CSE1L: variants seen among roughly 807,000 people sequenced by gnomAD.
CSE1L encodes exportin-2.
A neutral mutation model predicts 120.4 loss-of-function variants in CSE1L; 24 were observed. The observed-to-expected ratio is 0.20, with a 90% confidence interval of 0.14 to 0.28. The LOEUF is 0.28. Among genes scored for constraint, CSE1L ranks in the 10% least tolerant of loss-of-function variants. The pLI is 1.00. For synonymous variants in CSE1L, 402 were observed against 398.3 expected (o/e 1.01, Z -0.11); for missense variants, 830 against 1,145.2 (o/e 0.72, Z 3.97).
intron 1 of CSE1L, among the ~76,000 whole-genome samples, chr20:49,051,268 G>A (rs891026428): frequency 1.3e-5 from 2 of 152,220 alleles, no homozygotes; most frequent in East Asian, 1.9e-4. Flanking sequence ...CTTCCAGGCC[G>A]GGCACGGTGG....
At position 49,089,933 on chromosome 20, in the gene CSE1L, C is replaced by T. The variant is rs552861479; in HGVS notation, c.2181+187C>T. 3.9e-5 allele frequency among the ~76,000 whole-genome samples: 6 copies of T among 152,086 alleles called. No homozygotes were observed. In the East Asian group the frequency reaches 5.8e-4, roughly 15 times the overall value. On this transcript the variant is annotated intron_variant, in intron 19 of 24. Coordinates refer to ENST00000262982, the MANE Select transcript of CSE1L (RefSeq NM_001316.4). ...AGGAGTTTAAGACCAGCCTAGGCAA[C>T]GTGGTGAGATCTATCTCTACAAAGG...
intron 2 of CSE1L, among the ~76,000 whole-genome samples, chr20:49,060,693 T>C (rs1012206843): frequency 6.6e-6 from 1 of 151,500 alleles, no homozygotes; most frequent in Non-Finnish European, 1.5e-5. Context: ...CAAGAATCGC[T>C]TGAACCCAGG....
At chr20:49,047,306 G>A (rs2091721783) in intron 1 of CSE1L, among the ~76,000 whole-genome samples, 1 of 152,038 alleles carries the variant, frequency 6.6e-6, no homozygotes, top group Non-Finnish European at 1.5e-5. Context: ...TATTTACCGT[G>A]GTTTACAAAG....
chr20:49,062,262 G>A (rs2091858779), intron 2 of CSE1L, among the ~76,000 whole-genome samples: 1 of 152,188 alleles, frequency 6.6e-6, no homozygotes, highest in Non-Finnish European at 1.5e-5. Flanking sequence ...GACATGATAA[G>A]CACAAAGCAA....
chr20:49,063,180 T>A, intron 2 of CSE1L, 22 bp from the exon 3 acceptor site: 1 of 1,509,746 alleles, frequency 6.6e-7, no homozygotes, highest in South Asian at 1.3e-5. Flanking sequence ...CTTAGTCTTT[T>A]AACATGAAAA....
intron 16 of CSE1L, among the ~76,000 whole-genome samples, chr20:49,087,274 A>G (rs2092066718): frequency 6.7e-6 from 1 of 150,362 alleles, no homozygotes. Flanking sequence ...TTTTCTCTTC[A>G]GTTTCCTGTA....
chr20:49,061,051 A>C (rs1313806985), intron 2 of CSE1L, among the ~76,000 whole-genome samples: 1 of 152,198 alleles, frequency 6.6e-6, no homozygotes, highest in East Asian at 1.9e-4. Context: ...TTGAGAGGAA[A>C]AATTAGTTTA....
chr20:49,069,733 G>GC (rs2091918539), intron 7 of CSE1L, among the ~76,000 whole-genome samples: 1 of 152,168 alleles, frequency 6.6e-6, no homozygotes, highest in Admixed American at 6.5e-5. Context: ...AACTTGTCTG[G>GC]CAGGGAGACC....
chr20:49,092,853 T>A (rs1011231071), intron 22 of CSE1L, among the ~76,000 whole-genome samples: 16 of 152,072 alleles, frequency 1.1e-4, no homozygotes, highest in Admixed American at 5.2e-4. Flanking sequence ...CCCCCTTTTT[T>A]AAAAAATCGT....
At chr20:49,052,314 T>A (rs2091772894) in intron 1 of CSE1L, among the ~76,000 whole-genome samples, 4 of 152,232 alleles carry the variant, frequency 2.6e-5, no homozygotes, top group Admixed American at 2.6e-4. Context: ...TGCAGTCTAG[T>A]GTGTGTATGA....
At chr20:49,058,251 A>T (rs2091824722) in intron 1 of CSE1L, among the ~76,000 whole-genome samples, 2 of 151,986 alleles carry the variant, frequency 1.3e-5, no homozygotes, top group Admixed American at 1.3e-4. Flanking sequence ...CTTATCACAA[A>T]ATTGTCTCAC....
intron 1 of CSE1L, among the ~76,000 whole-genome samples, chr20:49,054,156 C>G (rs2091789291): frequency 6.6e-6 from 1 of 152,132 alleles, no homozygotes; most frequent in Admixed American, 6.6e-5. Flanking sequence ...GAGTGGAACA[C>G]CTGGATTAGA....
chr20:49,063,424 C>T, intron 3 of CSE1L, 80 bp downstream of exon 3: 1 of 972,326 alleles, frequency 1.0e-6, no homozygotes, highest in Non-Finnish European at 1.4e-6. Flanking sequence ...AAAGATAAGG[C>T]ACGTGCTTGT....
At chr20:49,065,770 G>A (rs1001126522) in intron 3 of CSE1L, among the ~76,000 whole-genome samples, 5 of 143,550 alleles carry the variant, frequency 3.5e-5, no homozygotes, top group African/African-American at 1.3e-4. Context: ...ATTTTTGTAT[G>A]TTTAGTAGAG....
At chr20:49,079,721 A>C (rs1027469532) in intron 14 of CSE1L, among the ~76,000 whole-genome samples, 1 of 152,078 alleles carries the variant, frequency 6.6e-6, no homozygotes, top group South Asian at 2.1e-4. Context: ...CATATATGAA[A>C]AGCCAGCCTT....
chr20:49,085,207 T>C (rs2092045740), intron 15 of CSE1L, 76 bp from the exon 16 acceptor site: 2 of 1,017,852 alleles, frequency 2.0e-6, no homozygotes, highest in Non-Finnish European at 3.1e-6. Context: ...AAGGGTGACA[T>C]AGTGGTTGCC....
rs549982522 is a variant in CSE1L, at chr20:49,068,737, C to T, written c.590C>T (p.Thr197Ile). Residue 197 changes from threonine to isoleucine, a missense_variant, in exon 7 of 25, where the codon ACC becomes ATC. Physicochemically the swap from Thr to Ile is moderately conservative, Grantham distance 89. This residue lies in a region of CSE1L where 543 missense variants were observed against 640.2 expected (regional missense o/e 0.85). Transcript: ENST00000262982. The part of the protein sequence containing the change: ...LFKATIELCS[T>I]HANDASALRI... ...AAGGCCACTATTGAACTCTGCAGTACCCATGCAAATGATGCCTCTGCCCTG... is the reference window on the plus strand; with the variant it reads ...AAGGCCACTATTGAACTCTGCAGTATCCATGCAAATGATGCCTCTGCCCTG... The T allele has an allele frequency of 6.2e-7, 1 of 1,613,336 alleles. No individual in the cohort carries two copies. Among genetic ancestry groups the T allele is most frequent in the South Asian group, 1.1e-5 (1 of 91,064 alleles).
At position 49,078,608 on chromosome 20, in the gene CSE1L, A is replaced by G; in HGVS notation, c.1468A>G (p.Ile490Val). ...AGCTGACGGTATCAAATATATTATG[A>G]TTTTTAGAAATCAAGTAAGTAGCTT... is the stretch of plus-strand genomic sequence containing the variant. The part of the protein sequence containing the change: ...LKADGIKYIM[I>V]FRNQVPKEHL... The change falls in exon 14 of 25, where the codon ATT becomes GTT. Residue 490 changes from isoleucine (I) to valine (V), a missense_variant. By Grantham distance (29) the Ile-to-Val change is conservative. This residue lies in a region of CSE1L where 543 missense variants were observed against 640.2 expected (regional missense o/e 0.85). Transcript: ENST00000262982. 6.4e-7 allele frequency: 1 copy of G among 1,565,064 alleles called. No homozygotes were observed.
In CSE1L at chr20:49,085,562, A is replaced by ATTTTTTTTTTTTTTTTTTTT. The variant is rs11471947; in HGVS notation, c.1723+184_1723+203dup. ...ATTATCTTGTTTACTACTAACAATA[A>ATTTTTTTTTTTTTTTTTTTT]TTTTTTTTTTTTTTTTTTTTTTTTT... On this transcript the variant is annotated intron_variant, in intron 16 of 24. Coordinates refer to ENST00000262982, the MANE Select transcript of CSE1L (RefSeq NM_001316.4). 3.7e-5 allele frequency among the ~76,000 whole-genome samples: 3 copies of ATTTTTTTTTTTTTTTTTTTT among 80,200 alleles called. 1 individual carries two copies. The highest frequency in any genetic ancestry group is 7.4e-4 in the East Asian group (2 of 2,698). 52.6% of individuals were successfully genotyped at this position (80,200 alleles called of 152,430 possible).
Sources: allele counts gnomAD v4.1 joint callset (sites outside exome capture counted in the v4.1 genomes callset), GRCh38; gene constraint gnomAD v4.1.1; regional missense constraint gnomAD v4.1.1; transcripts MANE v1.5; gene names NCBI Gene and HGNC (gene_info 2026-07-23, HGNC 2026-07-21).